Variants in PPP1R9A observed in about 807,000 individuals in gnomAD.
The protein encoded by PPP1R9A is neurabin-1.
PPP1R9A carries 59 observed loss-of-function variants against 141.9 expected under a neutral mutation model. The observed-to-expected ratio is 0.42, with a 90% confidence interval of 0.34 to 0.52. PPP1R9A has a LOEUF of 0.52. Among genes scored for constraint, PPP1R9A ranks in the 20% least tolerant of loss-of-function variants. The pLI is 0.10. For missense variants in PPP1R9A, 1,444 were observed against 1,611.9 expected, an observed-to-expected ratio of 0.90 and a Z score of 1.78; for synonymous variants, 500 against 569.7, an observed-to-expected ratio of 0.88 and a Z score of 1.74.
At chr7:95,202,630 G>A (rs1789822298) in intron 6 of PPP1R9A, 1 of 899,682 alleles carries the variant, frequency 1.1e-6, no homozygotes. Flanking sequence ...ATGACACTCG[G>A]GGGGTATGAT....
rs186807151 is a variant in PPP1R9A at position 94,917,742 on chromosome 7, T to G, written c.1395+6234T>G. On this transcript the variant is annotated intron_variant, in intron 2 of 19. Transcript: ENST00000433360. ...TTTTTGGATCATACATACTTTGTGT[T>G]CCCTCTAAACTTTCTCACAAATGAC... Among the ~76,000 whole-genome samples, 13 of 152,268 alleles carry G rather than the reference T, an allele frequency of 8.5e-5. No individual in the cohort carries two copies. The East Asian group carries it at 2.3e-3, about 27-fold the overall frequency.
At chr7:95,108,410 A>C (rs1178974355) in intron 2 of PPP1R9A, among the ~76,000 whole-genome samples, 3 of 130,942 alleles carry the variant, frequency 2.3e-5, no homozygotes, top group South Asian at 4.7e-4. Context: ...TCCTGGGTTC[A>C]TGCCATTCTC....
intron 2 of PPP1R9A, among the ~76,000 whole-genome samples, chr7:95,072,730 T>C (rs1814059883): frequency 1.8e-5 from 2 of 110,028 alleles, no homozygotes; most frequent in African/African-American, 7.5e-5. Flanking sequence ...GTATATTTAT[T>C]ACATATAATA....
intron 7 of PPP1R9A, among the ~76,000 whole-genome samples, chr7:95,217,696 T>C (rs1032838138): frequency 2.6e-5 from 4 of 152,186 alleles, no homozygotes; most frequent in Non-Finnish European, 4.4e-5. Flanking sequence ...GGTTTAGTCT[T>C]AGGAGAGTGT....
intron 6 of PPP1R9A, among the ~76,000 whole-genome samples, chr7:95,202,061 A>G (rs1016754202): frequency 6.6e-6 from 1 of 152,194 alleles, no homozygotes; most frequent in African/African-American, 2.4e-5. Flanking sequence ...ACAATGGGAG[A>G]AATAGATCCT....
chr7:94,957,174 C>G (rs1166045767), intron 2 of PPP1R9A, among the ~76,000 whole-genome samples: 1 of 152,040 alleles, frequency 6.6e-6, no homozygotes, highest in Admixed American at 6.6e-5. Flanking sequence ...ATTCTTAAGG[C>G]ACTGCATCAG....
chr7:95,228,078 T>A (rs891974648), intron 8 of PPP1R9A, among the ~76,000 whole-genome samples: 1 of 152,110 alleles, frequency 6.6e-6, no homozygotes. Flanking sequence ...CCACAAAACT[T>A]GGGGTGAGTG....
chr7:94,916,355 A>C (rs1792077102), intron 2 of PPP1R9A, among the ~76,000 whole-genome samples: 1 of 152,238 alleles, frequency 6.6e-6, no homozygotes, highest in Admixed American at 6.5e-5. Context: ...AGTGGTGCCG[A>C]TGCCGCTGAT....
intron 8 of PPP1R9A, 46 bp from the exon 9 acceptor site, chr7:95,247,427 G>A (rs2152998628): frequency 1.3e-6 from 2 of 1,482,938 alleles, no homozygotes; most frequent in South Asian, 2.3e-5. Context: ...TACAAATATA[G>A]ATACACTTTC....
At chr7:95,256,487 G>A (rs947877479) in intron 12 of PPP1R9A, among the ~76,000 whole-genome samples, 1 of 152,014 alleles carries the variant, frequency 6.6e-6, no homozygotes, top group Non-Finnish European at 1.5e-5. Flanking sequence ...ATATTGTGAG[G>A]CTAACAAAAG....
chr7:95,107,880 ATTAAGGATTT>A (rs1819781127), intron 2 of PPP1R9A, among the ~76,000 whole-genome samples: 1 of 152,158 alleles, frequency 6.6e-6, no homozygotes, highest in South Asian at 2.1e-4. Context: ...TCTTTATAAT[ATTAAGGATTT>A]TAATCCAGGG....
chr7:95,156,088 C>G (rs546740202), intron 4 of PPP1R9A: 4 of 152,376 alleles, frequency 2.6e-5, no homozygotes, highest in Admixed American at 2.6e-4. Flanking sequence ...GGCCTGGATC[C>G]CATACCTGCC....
intron 2 of PPP1R9A, among the ~76,000 whole-genome samples, chr7:94,961,340 A>C (rs939776396): frequency 6.6e-6 from 1 of 151,696 alleles, no homozygotes; most frequent in African/African-American, 2.4e-5. Context: ...CATGAATAAT[A>C]ATATTAGTAT....
intron 2 of PPP1R9A, among the ~76,000 whole-genome samples, chr7:95,010,618 T>C (rs1804280218): frequency 6.6e-6 from 1 of 152,186 alleles, no homozygotes; most frequent in Non-Finnish European, 1.5e-5. Context: ...TTACTCAATA[T>C]TGAAAATGTA....
At chr7:95,204,392 T>C (rs919173704) in intron 7 of PPP1R9A, among the ~76,000 whole-genome samples, 4 of 152,142 alleles carry the variant, frequency 2.6e-5, no homozygotes, top group African/African-American at 9.7e-5. Context: ...AAAGGAAATA[T>C]ATTTAACAGC....
intron 4 of PPP1R9A, among the ~76,000 whole-genome samples, chr7:95,133,116 G>A (rs1308094107): frequency 1.3e-5 from 2 of 152,152 alleles, no homozygotes; most frequent in Non-Finnish European, 2.9e-5. Flanking sequence ...CCCAAGAGCA[G>A]GTAGCCCTCT....
At chr7:95,046,007 AT>A (rs1468184008) in intron 2 of PPP1R9A, among the ~76,000 whole-genome samples, 1 of 152,090 alleles carries the variant, frequency 6.6e-6, no homozygotes, top group African/African-American at 2.4e-5. Flanking sequence ...TATCATTAAG[AT>A]TAGGTAGTAT....
chr7:95,082,155 T>C (rs1815948555), intron 2 of PPP1R9A, among the ~76,000 whole-genome samples: 1 of 152,200 alleles, frequency 6.6e-6, no homozygotes, highest in African/African-American at 2.4e-5. Flanking sequence ...TTGTCATAAA[T>C]ACTTGCTTTA....
At chr7:95,265,210 A>C (rs1474259786) in intron 12 of PPP1R9A, among the ~76,000 whole-genome samples, 1 of 152,208 alleles carries the variant, frequency 6.6e-6, no homozygotes, top group East Asian at 1.9e-4. Context: ...TGTTGGGAAC[A>C]TAAAGTAAGA....
Sources: gnomAD v4.1 joint callset for allele counts (sites outside exome capture counted in the v4.1 genomes callset) on GRCh38, gnomAD v4.1.1 for gene constraint, MANE v1.5 for transcripts, NCBI Gene and HGNC (gene_info 2026-07-23, HGNC 2026-07-21) for gene names.